Variants in DIAPH2 observed in about 807,000 individuals in gnomAD.
DIAPH2 encodes diaphanous related formin 2.
DIAPH2 carries 35 observed loss-of-function variants against 92.7 expected under a neutral mutation model. The ratio of observed to expected loss-of-function variants is 0.38; its 90% CI spans 0.29 to 0.50. The LOEUF is 0.50. DIAPH2 is among the 20% of genes least tolerant of loss of function. DIAPH2 has a pLI of 0.94. For synonymous variants in DIAPH2, 301 were observed against 280.4 expected (o/e 1.07, Z -0.73); for missense variants, 701 against 819.5 (o/e 0.86, Z 1.77).
chrX:97,354,923 G>T (rs1031696627), intron 24 of DIAPH2, among the ~76,000 whole-genome samples: 3 of 112,341 alleles, frequency 2.7e-5, no homozygotes, highest in African/African-American at 9.7e-5. Flanking sequence ...TTCAAAAAAG[G>T]CTGAAAGGCC....
chrX:96,756,263 A>T (rs1243118658), intron 3 of DIAPH2, among the ~76,000 whole-genome samples: 1 of 110,833 alleles, frequency 9.0e-6, no homozygotes, highest in African/African-American at 3.3e-5. Context: ...CCATACCCAT[A>T]ATCAGTCAGA....
intron 24 of DIAPH2, among the ~76,000 whole-genome samples, chrX:97,359,669 C>G (rs1379047873): frequency 2.8e-5 from 3 of 105,675 alleles, no homozygotes; most frequent in Admixed American, 1.0e-4. Flanking sequence ...CCTCCGCCTC[C>G]CAGGCTCAAG....
intron 21 of DIAPH2, among the ~76,000 whole-genome samples, chrX:97,140,143 G>A (rs1290459357): frequency 9.0e-6 from 1 of 111,378 alleles, no homozygotes; most frequent in African/African-American, 3.3e-5. Context: ...AGCACTTAAT[G>A]TTTCCAGAAT....
rs202046146 is a variant in DIAPH2 at position 97,312,345 on chromosome X, C to CATTTT, written c.2845-35771_2845-35770insATTTT. ...TTGATCACTTTTGATCAATAGAATC[C>CATTTT]TTTTTTTTTTTTTTTTTTTTTTTTT... On this transcript the variant is annotated intron_variant, in intron 23 of 26. Coordinates refer to ENST00000324765, the MANE Select transcript of DIAPH2 (RefSeq NM_006729.5). Among the ~76,000 whole-genome samples, 13 of 54,953 alleles carry CATTTT rather than the reference C, an allele frequency of 2.4e-4. 3 individuals carry two copies. The highest frequency in any genetic ancestry group is 2.7e-3 in the South Asian group (2 of 738). 47.7% of individuals were successfully genotyped at this position (54,953 alleles called of 115,157 possible).
intron 17 of DIAPH2, among the ~76,000 whole-genome samples, chrX:97,034,436 A>G (rs2066396539): frequency 9.1e-6 from 1 of 109,655 alleles, no homozygotes; most frequent in Admixed American, 9.8e-5. Context: ...AAAAATAGGA[A>G]AGTGGAAATC....
intron 17 of DIAPH2, among the ~76,000 whole-genome samples, chrX:96,982,404 C>T (rs1301704092): frequency 1.8e-5 from 2 of 112,295 alleles, no homozygotes; most frequent in Non-Finnish European, 3.8e-5. Flanking sequence ...CTGTGCCTGG[C>T]TTCATGTGAT....
intron 1 of DIAPH2, among the ~76,000 whole-genome samples, chrX:96,714,541 G>A (rs1466083416): frequency 9.0e-6 from 1 of 111,624 alleles, no homozygotes; most frequent in Admixed American, 9.6e-5. Context: ...TGGGATTACA[G>A]GCATGAGCCA....
At chrX:97,181,362 T>G (rs918420665) in intron 22 of DIAPH2, among the ~76,000 whole-genome samples, 3 of 110,252 alleles carry the variant, frequency 2.7e-5, no homozygotes, top group African/African-American at 9.9e-5. Context: ...TGAACCACTG[T>G]GCTAAATATG....
At chrX:97,356,486 A>G (rs183211842) in intron 24 of DIAPH2, among the ~76,000 whole-genome samples, 1 of 111,760 alleles carries the variant, frequency 8.9e-6, no homozygotes, top group East Asian at 2.8e-4. Context: ...AAAATAGGCA[A>G]TCCATGGAAA....
chrX:96,859,831 C>T (rs949534469), intron 4 of DIAPH2, among the ~76,000 whole-genome samples: 21 of 109,937 alleles, frequency 1.9e-4, no homozygotes, highest in Non-Finnish European at 3.4e-4. Context: ...CTAGTAGAGA[C>T]GGGGTTTCAC....
chrX:97,304,592 C>T (rs1359933591), intron 23 of DIAPH2, among the ~76,000 whole-genome samples: 1 of 112,220 alleles, frequency 8.9e-6, no homozygotes. Context: ...GGGAAAAGTA[C>T]TTGTACATAT....
chrX:97,057,739 G>T (rs1316123397), intron 17 of DIAPH2, among the ~76,000 whole-genome samples: 1 of 111,943 alleles, frequency 8.9e-6, no homozygotes, highest in Non-Finnish European at 1.9e-5. Context: ...AATAAAAATG[G>T]CATAGGCTGC....
chrX:96,771,742 G>A (rs1171112298), intron 4 of DIAPH2, among the ~76,000 whole-genome samples: 1 of 111,392 alleles, frequency 9.0e-6, no homozygotes, highest in East Asian at 2.8e-4. Context: ...TCAATGTTTA[G>A]AAGTTACCTT....
intron 26 of DIAPH2, among the ~76,000 whole-genome samples, chrX:97,504,741 T>C (rs1056681539): frequency 3.6e-5 from 4 of 112,348 alleles, no homozygotes; most frequent in African/African-American, 1.3e-4. Context: ...TGATGCCAGG[T>C]AAGTAGGAGA....
rs1342981524 is a variant in DIAPH2 at position 97,600,672 on chromosome X, T to TTAAG, written c.*1357_*1360dup. 1.8e-5 allele frequency: 2 copies of TTAAG among 112,340 alleles called. No individual in the cohort carries two copies. Among genetic ancestry groups the TTAAG allele is most frequent in the Non-Finnish European group, 3.8e-5 (2 of 53,179 alleles). The allele number at this position is 112,340 out of a possible 1,213,427, so 9.3% of individuals were successfully genotyped here. ...GGTATAACTTCTCTGGAGTGCAATT[T>TTAAG]TAAGTCTAATTCATGCAGATGATTG... is the stretch of plus-strand genomic sequence containing the variant. On this transcript the variant is annotated 3_prime_UTR_variant, in exon 27 of 27. Transcript: ENST00000324765.
At chrX:97,457,671 CT>C (rs2070419904) in intron 26 of DIAPH2, among the ~76,000 whole-genome samples, 1 of 111,547 alleles carries the variant, frequency 9.0e-6, no homozygotes, top group Non-Finnish European at 1.9e-5. Context: ...CTCTATAGAG[CT>C]TCTTGACTGT....
At chrX:97,239,928 A>C (rs1466730413) in intron 22 of DIAPH2, among the ~76,000 whole-genome samples, 1 of 109,977 alleles carries the variant, frequency 9.1e-6, no homozygotes, top group Non-Finnish European at 1.9e-5. Context: ...GAAATATTAG[A>C]AGTAGTGTAG....
At chrX:97,531,863 G>A (rs1296994950) in intron 26 of DIAPH2, among the ~76,000 whole-genome samples, 1 of 112,226 alleles carries the variant, frequency 8.9e-6, no homozygotes, top group Non-Finnish European at 1.9e-5. Flanking sequence ...AAACTCTCTA[G>A]AATCTTAAAA....
At chrX:96,995,866 T>TA (rs1007749401) in intron 17 of DIAPH2, among the ~76,000 whole-genome samples, 8 of 109,792 alleles carry the variant, frequency 7.3e-5, no homozygotes, top group South Asian at 3.9e-4. Context: ...TAGTTAATAT[T>TA]AAAAAAATGT....
Sources: gnomAD v4.1 joint callset for allele counts (sites outside exome capture counted in the v4.1 genomes callset) on GRCh38, gnomAD v4.1.1 for gene constraint, MANE v1.5 for transcripts, NCBI Gene and HGNC (gene_info 2026-07-23, HGNC 2026-07-21) for gene names.